Variants in RBFOX1 observed in about 807,000 individuals in gnomAD.
RBFOX1 encodes the protein RNA binding fox-1 homolog 1, also known as RNA binding protein fox-1 homolog 1.
Under a neutral mutation model 57.7 loss-of-function variants are expected in RBFOX1, and 8 were observed. That is an observed-to-expected ratio of 0.14 (90% CI 0.08 to 0.25). The LOEUF (loss-of-function observed/expected upper bound fraction) is 0.25. Among genes scored for constraint, RBFOX1 ranks in the 10% least tolerant of loss-of-function variants. The pLI, the probability that RBFOX1 is intolerant of heterozygous loss-of-function variation, is 1.00. For synonymous variants in RBFOX1, 326 were observed against 222.4 expected, an observed-to-expected ratio of 1.47 and a Z score of -4.15; for missense variants, 611 against 548.5, an observed-to-expected ratio of 1.11 and a Z score of -1.14.
At chr16:6,899,326 C>G (rs114310316) in intron 3 of RBFOX1, among the ~76,000 whole-genome samples, 1,901 of 152,170 alleles carry the variant, frequency 0.012, 35 homozygotes, top group African/African-American at 0.043. Flanking sequence ...TCAGGGTTTC[C>G]TTGCATTCCA....
rs146722872 is a variant in RBFOX1, at chr16:5,590,007, C to G, written c.259-8895C>G. 3.5e-3 allele frequency among the ~76,000 whole-genome samples: 530 copies of G among 152,042 alleles called. 4 individuals carry two copies. Among genetic ancestry groups the G allele is most frequent in the African/African-American group, 0.012 (506 of 41,464 alleles). ...GTTTTCTATTCCTGCCTCTTGACGA[C>G]TTAGACAACAGCCTAGCGTTTCAGA... On this transcript the variant is annotated intron_variant, in intron 2 of 2. Transcript: ENST00000585867.
chr16:6,987,794 G>T (rs765688857), intron 3 of RBFOX1, among the ~76,000 whole-genome samples: 1 of 152,132 alleles, frequency 6.6e-6, no homozygotes, highest in Non-Finnish European at 1.5e-5. Context: ...ACATTGTAAG[G>T]CTGTTGGGAT....
chr16:5,558,508 A>G (rs556130375), intron 2 of RBFOX1, among the ~76,000 whole-genome samples: 31 of 152,252 alleles, frequency 2.0e-4, no homozygotes, highest in African/African-American at 7.0e-4. Context: ...TGTACCCTGT[A>G]CAAACTACCT....
At chr16:7,513,047 T>G (rs1277457989) in intron 4 of RBFOX1, among the ~76,000 whole-genome samples, 2 of 150,604 alleles carry the variant, frequency 1.3e-5, no homozygotes, top group African/African-American at 4.9e-5. Flanking sequence ...ATGGATCACT[T>G]GAGGCCAGCA....
chr16:6,594,442 G>A (rs12597197), intron 2 of RBFOX1, among the ~76,000 whole-genome samples: 2 of 151,902 alleles, frequency 1.3e-5, no homozygotes, highest in African/African-American at 2.4e-5. Context: ...TGGTGGGGGG[G>A]TCTGTGGCAA....
At chr16:5,371,560 G>A (rs492459) in intron 1 of RBFOX1, among the ~76,000 whole-genome samples, 5 of 152,084 alleles carry the variant, frequency 3.3e-5, no homozygotes, top group African/African-American at 1.2e-4. Context: ...GCAGACTGCT[G>A]TATCTACCTC....
intron 2 of RBFOX1, among the ~76,000 whole-genome samples, chr16:6,455,086 G>A (rs1242806789): frequency 6.7e-6 from 1 of 149,636 alleles, no homozygotes; most frequent in South Asian, 2.1e-4. Context: ...GTAGAGACGG[G>A]GTTTCACTGT....
chr16:6,076,014 C>G (rs986794992), intron 1 of RBFOX1, among the ~76,000 whole-genome samples: 1 of 152,070 alleles, frequency 6.6e-6, no homozygotes, highest in South Asian at 2.1e-4. Context: ...AAACACAGCT[C>G]TTGGCCGGGC....
chr16:6,610,696 G>A (rs1317443752), intron 2 of RBFOX1, among the ~76,000 whole-genome samples: 1 of 152,160 alleles, frequency 6.6e-6, no homozygotes, highest in Non-Finnish European at 1.5e-5. Flanking sequence ...AACACTGAAA[G>A]ATCAGATTGC....
chr16:7,192,606 G>T (rs917925083), intron 4 of RBFOX1, among the ~76,000 whole-genome samples: 4 of 152,038 alleles, frequency 2.6e-5, no homozygotes, highest in East Asian at 1.9e-4. Flanking sequence ...ACGAAAAGGG[G>T]GCCAAATGGA....
At chr16:6,726,707 C>T (rs146170566) in intron 3 of RBFOX1, among the ~76,000 whole-genome samples, 3 of 152,224 alleles carry the variant, frequency 2.0e-5, no homozygotes, top group South Asian at 2.1e-4. Flanking sequence ...CTTGCCTGTG[C>T]GTTTTCTCTT....
chr16:7,076,703 A>T (rs1334140659), intron 4 of RBFOX1, among the ~76,000 whole-genome samples: 1 of 152,150 alleles, frequency 6.6e-6, no homozygotes, highest in Non-Finnish European at 1.5e-5. Context: ...TCTAAATACC[A>T]CCTTCCCATT....
intron 1 of RBFOX1, among the ~76,000 whole-genome samples, chr16:5,464,275 G>A (rs937794337): frequency 3.3e-5 from 5 of 152,238 alleles, no homozygotes; most frequent in African/African-American, 9.6e-5. Flanking sequence ...GCACAGTCAG[G>A]GGTCCCCAGT....
intron 1 of RBFOX1, among the ~76,000 whole-genome samples, chr16:5,458,892 C>T (rs1209768275): frequency 6.6e-6 from 1 of 152,218 alleles, no homozygotes; most frequent in Non-Finnish European, 1.5e-5. Context: ...TATGATCCCT[C>T]TGCTAATGGA....
At chr16:5,652,042 A>G (rs934029954) in intron 3 of RBFOX1, among the ~76,000 whole-genome samples, 8 of 152,158 alleles carry the variant, frequency 5.3e-5, no homozygotes, top group African/African-American at 1.2e-4. Flanking sequence ...GCTGAGGCAC[A>G]GGAATCTCTT....
At chr16:5,836,297 C>T (rs557649612) in intron 3 of RBFOX1, among the ~76,000 whole-genome samples, 4 of 152,114 alleles carry the variant, frequency 2.6e-5, no homozygotes, top group Non-Finnish European at 4.4e-5. Flanking sequence ...AGGCAGGGCA[C>T]GAGAAGTTTA....
At chr16:7,553,015 C>T (rs771711896) in intron 5 of RBFOX1, among the ~76,000 whole-genome samples, 2 of 151,988 alleles carry the variant, frequency 1.3e-5, no homozygotes, top group Non-Finnish European at 2.9e-5. Flanking sequence ...CCTTCTCTTT[C>T]CTCTCAGTAA....
At chr16:7,255,518 T>C (rs950155009) in intron 4 of RBFOX1, among the ~76,000 whole-genome samples, 2 of 152,208 alleles carry the variant, frequency 1.3e-5, no homozygotes, top group Non-Finnish European at 2.9e-5. Flanking sequence ...GTCCAGCTTA[T>C]ATTTAGTGTA....
At chr16:7,561,496 A>G (rs1379608858) in intron 5 of RBFOX1, among the ~76,000 whole-genome samples, 1 of 152,238 alleles carries the variant, frequency 6.6e-6, no homozygotes, top group Non-Finnish European at 1.5e-5. Context: ...GAAACTCCGA[A>G]ATATCCTGAC....
Sources: gnomAD v4.1 joint callset for allele counts (sites outside exome capture counted in the v4.1 genomes callset) on GRCh38, gnomAD v4.1.1 for gene constraint, MANE v1.5 for transcripts, NCBI Gene and HGNC (gene_info 2026-07-23, HGNC 2026-07-21) for gene names.